The following SLC19A2 variants were observed in gnomAD, a reference collection of about 807,000 sequenced individuals.
SLC19A2 encodes thiamine transporter 1.
In SLC19A2, 27 loss-of-function variants were observed where a neutral mutation model predicts 44.7. The ratio of observed to expected loss-of-function variants is 0.60; its 90% CI spans 0.45 to 0.83. The LOEUF is 0.83. Ranked by LOEUF, SLC19A2 falls within the 40% of genes least tolerant of loss-of-function variation. SLC19A2 has a pLI of 0.00. For missense variants in SLC19A2, 566 were observed against 613.7 expected (o/e 0.92, Z 0.82); for synonymous variants, 239 against 243.6 (o/e 0.98, Z 0.18).
rs1657965807 is a variant in SLC19A2, at chr1:169,465,531, C to T, written c.*318G>A. 1 of 346,972 alleles carries T rather than the reference C, an allele frequency of 2.9e-6. No individual in the cohort carries two copies. Among genetic ancestry groups the T allele is most frequent in the Non-Finnish European group, 5.5e-6 (1 of 182,414 alleles). 21.5% of individuals were successfully genotyped at this position (346,972 alleles called of 1,614,324 possible). On this transcript the variant is annotated 3_prime_UTR_variant, in exon 6 of 6. Coordinates refer to ENST00000236137, the MANE Select transcript of SLC19A2 (RefSeq NM_006996.3). ...TATGTGACCTATAAAACACCAAACT[C>T]ACTTGCTAATGAAGTATACAACACC...
At chr1:169,467,177 T>C (rs1362246568) in intron 5 of SLC19A2, among the ~76,000 whole-genome samples, 1 of 152,210 alleles carries the variant, frequency 6.6e-6, no homozygotes, top group Non-Finnish European at 1.5e-5. Flanking sequence ...TGGCAAGCAC[T>C]TAAGTTTCTC....
In SLC19A2 at chr1:169,477,612, T is replaced by C. The variant is rs776993289; in HGVS notation, c.350A>G (p.Tyr117Cys). ...TTGAATGGCCAGCAGTCCCTGGGCA[T>C]AGAGCAGCATAAACCATGTAACAAT... ...SLIVTWFMLL[Y>C]AQGLLAIQFL... The change falls in exon 2 of 6, where the codon TAT becomes TGT. Residue 117 changes from tyrosine to cysteine, a missense_variant. Transcript: ENST00000236137. 2.5e-6 allele frequency: 4 copies of C among 1,614,076 alleles called. No homozygotes were observed. The highest frequency in any genetic ancestry group is 3.4e-6 in the Non-Finnish European group (4 of 1,180,006).
chr1:169,472,337 C>G (rs750705340), intron 2 of SLC19A2, among the ~76,000 whole-genome samples: 1 of 152,098 alleles, frequency 6.6e-6, no homozygotes, highest in Non-Finnish European at 1.5e-5. Flanking sequence ...CTAAAACTTT[C>G]AAGGATGCTG....
At chr1:169,479,036 C>A (rs1334703324) in intron 1 of SLC19A2, among the ~76,000 whole-genome samples, 1 of 152,150 alleles carries the variant, frequency 6.6e-6, no homozygotes, top group Non-Finnish European at 1.5e-5. Context: ...TAAGGATAGA[C>A]CCCTACATTC....
At position 169,463,959 on chromosome 1, in the gene SLC19A2, AATTTT is replaced by A. The variant is rs1245725860; in HGVS notation, c.*1885_*1889del. On this transcript the variant is annotated 3_prime_UTR_variant, in exon 6 of 6. Transcript: ENST00000236137. Reference sequence around the variant, plus strand: ...TGTAAAATATTTATTTAATAAAAATAATTTTATAATCTATACAGAATTGAATAAAA... The same window carrying A: ...TGTAAAATATTTATTTAATAAAAATAATAATCTATACAGAATTGAATAAAA... 1 of 152,234 alleles carries A rather than the reference AATTTT, an allele frequency of 6.6e-6. No individual in the cohort carries two copies. Among genetic ancestry groups the A allele is most frequent in the Non-Finnish European group, 1.5e-5 (1 of 67,952 alleles). 9.4% of individuals were successfully genotyped at this position (152,234 alleles called of 1,614,324 possible). A position where few individuals can be genotyped will look rare whatever the true frequency, so the allele number is the denominator to read the frequency against.
Position 169,470,125 on chromosome 1 carries a change from T to C in SLC19A2, c.869A>G (p.Tyr290Cys), listed in dbSNP as rs774049784. The C allele has an allele frequency of 6.2e-7, 1 of 1,613,570 alleles. No individual in the cohort carries two copies. ...CCAGCAGAGAAGAGGGCGAGAGGAGTAGCACATCAGGAAATCATTCCATAG... is the reference window on the plus strand; with the variant it reads ...CCAGCAGAGAAGAGGGCGAGAGGAGCAGCACATCAGGAAATCATTCCATAG... ...KVLWNDFLMC[Y>C]SSRPLLCWSV... The change falls in exon 3 of 6, where the codon TAC (tyrosine) becomes TGC (cysteine). Residue 290 changes from tyrosine to cysteine, a missense_variant. By Grantham distance (194) the Tyr-to-Cys change is radical (BLOSUM62 -2). Transcript: ENST00000236137.
chr1:169,478,523 ATTTTTTTTT>A lies in SLC19A2; in HGVS notation c.205-775_205-767del, dbSNP rs35141285. 7.5e-5 allele frequency among the ~76,000 whole-genome samples: 5 copies of A among 66,638 alleles called. No homozygotes were observed. In the Admixed American group the frequency reaches 9.2e-4, roughly 12 times the overall value. The allele number at this position is 66,638 out of a possible 152,430, so 43.7% of individuals were successfully genotyped here. ...AGGCCTGTACTACCACAACCAGCTA[ATTTTTTTTT>A]TTTTTTTTTTTTTTTTTTTTGGTAG... On this transcript the variant is annotated intron_variant, in intron 1 of 5. Transcript: ENST00000236137.
chr1:169,485,615 G>A lies in SLC19A2; in HGVS notation c.152C>T (p.Pro51Leu), dbSNP rs121908540. ...GFFASLRPSEPFLTPYLLGPD... is the reference protein window; with the variant it reads ...GFFASLRPSELFLTPYLLGPD... ...CCCCAGCAGGTACGGGGTCAGGAAG[G>A]GCTCGGACGGCCTGAGGCTGGCGAA... Residue 51 changes from proline to leucine, a missense_variant, in exon 1 of 6, where the codon CCC (proline) becomes CTC (leucine). Coordinates refer to ENST00000236137, the MANE Select transcript of SLC19A2 (RefSeq NM_006996.3). 1.9e-6 allele frequency: 3 copies of A among 1,574,224 alleles called. No homozygotes were observed. The highest frequency in any genetic ancestry group is 1.8e-5 in the Admixed American group (1 of 55,290).
intron 1 of SLC19A2, among the ~76,000 whole-genome samples, chr1:169,478,691 A>C (rs1658383166): frequency 6.6e-6 from 1 of 151,658 alleles, no homozygotes; most frequent in African/African-American, 2.4e-5. Flanking sequence ...CTCTCCTAAT[A>C]CTGATCTATA....
At chr1:169,469,938 A>ACCC (rs1370759561) in intron 3 of SLC19A2, 26 bp downstream of exon 3, 1 of 1,598,610 alleles carries the variant, frequency 6.3e-7, no homozygotes, top group Non-Finnish European at 8.6e-7. Flanking sequence ...CCCCACCACG[A>ACCC]CCCTCTATTA....
intron 1 of SLC19A2, among the ~76,000 whole-genome samples, chr1:169,480,962 G>A (rs1360619807): frequency 1.3e-5 from 2 of 152,158 alleles, no homozygotes; most frequent in African/African-American, 2.4e-5. Flanking sequence ...AGATGGAGGA[G>A]AGTAACACTG....
At chr1:169,468,340 T>G in intron 4 of SLC19A2, 88 bp from the exon 5 acceptor site, 1 of 1,194,866 alleles carries the variant, frequency 8.4e-7, no homozygotes, top group South Asian at 1.4e-5. Context: ...ACATTTATCT[T>G]TAAACATGAA....
At position 169,465,672 on chromosome 1, in the gene SLC19A2, C is replaced by T. The variant is rs1439990588; in HGVS notation, c.*177G>A. The T allele has an allele frequency of 1.1e-5, 7 of 642,062 alleles. No individual in the cohort carries two copies. Among genetic ancestry groups the T allele is most frequent in the Non-Finnish European group, 1.9e-5 (7 of 369,422 alleles). The allele number at this position is 642,062 out of a possible 1,614,324, so 39.8% of individuals were successfully genotyped here. A position where few individuals can be genotyped will look rare whatever the true frequency, so the allele number is the denominator to read the frequency against. ...ATAATCCATGAAATAAACTTTACTT[C>T]TGGCTCCTCTGAATAGTATCATGTT... On this transcript the variant is annotated 3_prime_UTR_variant, in exon 6 of 6. Coordinates refer to ENST00000236137, the MANE Select transcript of SLC19A2 (RefSeq NM_006996.3).
chr1:169,472,263 A>G (rs1037523702), intron 2 of SLC19A2, among the ~76,000 whole-genome samples: 1 of 152,222 alleles, frequency 6.6e-6, no homozygotes, highest in Non-Finnish European at 1.5e-5. Context: ...ATTGAACTAC[A>G]TCAGAATTTT....
At position 169,485,909 on chromosome 1, in the gene SLC19A2, C is replaced by G; in HGVS notation, c.-143G>C. The G allele has an allele frequency of 1.0e-6, 1 of 971,364 alleles. No individual in the cohort carries two copies. Among genetic ancestry groups the G allele is most frequent in the Non-Finnish European group, 1.5e-6 (1 of 675,316 alleles). 60.2% of individuals were successfully genotyped at this position (971,364 alleles called of 1,614,324 possible). ...GTTCTGGACTCGCCGCCGCCTCCGG[C>G]TACAGAACCCCCAGCTTTACCCTAC... On this transcript the variant is annotated 5_prime_UTR_variant, in exon 1 of 6. Transcript: ENST00000236137.
At chr1:169,471,420 A>T (rs1346758934) in intron 2 of SLC19A2, among the ~76,000 whole-genome samples, 1 of 151,158 alleles carries the variant, frequency 6.6e-6, no homozygotes, top group East Asian at 2.0e-4. Context: ...GCTTGAACCC[A>T]GAAGTTCAAG....
chr1:169,485,184 T>C lies in SLC19A2; in HGVS notation c.204+379A>G, dbSNP rs1169230634. On this transcript the variant is annotated intron_variant, in intron 1 of 5. Coordinates refer to ENST00000236137, the MANE Select transcript of SLC19A2 (RefSeq NM_006996.3). ...CTACTTTCAGTCAATGAATATTTACTAAGCCGTGTCCAAAGTACACTTTGC... is the reference window on the plus strand; with the variant it reads ...CTACTTTCAGTCAATGAATATTTACCAAGCCGTGTCCAAAGTACACTTTGC... Among the ~76,000 whole-genome samples, 4 of 152,348 alleles carry C rather than the reference T, an allele frequency of 2.6e-5. No individual in the cohort carries two copies. The East Asian group carries it at 7.7e-4, about 29-fold the overall frequency.
intron 2 of SLC19A2, among the ~76,000 whole-genome samples, chr1:169,471,720 T>C (rs1326994922): frequency 1.9e-5 from 2 of 104,770 alleles, no homozygotes; most frequent in Non-Finnish European, 3.9e-5. Context: ...ACACACCATA[T>C]ATATCATTTT....
At chr1:169,480,348 T>C (rs1339776202) in intron 1 of SLC19A2, among the ~76,000 whole-genome samples, 3 of 152,108 alleles carry the variant, frequency 2.0e-5, no homozygotes, top group Non-Finnish European at 4.4e-5. Flanking sequence ...GTTTCACTCT[T>C]GTCACCCAGG....
Sources: allele counts gnomAD v4.1 joint callset (sites outside exome capture counted in the v4.1 genomes callset), GRCh38; gene constraint gnomAD v4.1.1; transcripts MANE v1.5; gene names NCBI Gene and HGNC (gene_info 2026-07-23, HGNC 2026-07-21).